CDH4: variants seen among roughly 807,000 people sequenced by gnomAD.
CDH4 encodes the protein cadherin 4.
CDH4 carries 33 observed loss-of-function variants against 86.0 expected under a neutral mutation model. The ratio of observed to expected loss-of-function variants is 0.38; its 90% CI spans 0.29 to 0.51. The LOEUF (loss-of-function observed/expected upper bound fraction) is 0.51, where lower values mean the gene tolerates loss of function less well. Ranked by LOEUF, CDH4 falls within the 20% of genes least tolerant of loss-of-function variation. The probability of loss-of-function intolerance (pLI) is 0.86; values close to 1 mark genes in which losing one functional copy is unlikely to be tolerated. For missense variants in CDH4, 1,114 were observed against 1,307.4 expected (o/e 0.85, Z 2.28); for synonymous variants, 555 against 549.4 (o/e 1.01, Z -0.14).
intron 2 of CDH4, among the ~76,000 whole-genome samples, chr20:61,513,201 T>C (rs2427149): frequency 0.58 from 87,668 of 151,950 alleles, 26,253 homozygotes; most frequent in African/African-American, 0.73. Flanking sequence ...GCAGGAGGTC[T>C]CAGGGTCTGG....
intron 2 of CDH4, among the ~76,000 whole-genome samples, chr20:61,408,134 G>A (rs1329309545): frequency 6.6e-6 from 1 of 152,196 alleles, no homozygotes; most frequent in South Asian, 2.1e-4. Flanking sequence ...CTCTCACTAG[G>A]ACTGTCCCCT....
chr20:61,936,331 CA>C, intron 15 of CDH4, among the ~76,000 whole-genome samples: 1 of 60,754 alleles, frequency 1.6e-5, no homozygotes, highest in Non-Finnish European at 3.1e-5. Flanking sequence ...CCCTCTCCCA[CA>C]CCTCCACCTT....
At chr20:61,762,876 A>G (rs529588938) in intron 3 of CDH4, among the ~76,000 whole-genome samples, 6 of 152,346 alleles carry the variant, frequency 3.9e-5, no homozygotes, top group African/African-American at 1.4e-4. Context: ...GTGCACCCCA[A>G]CAAGCTGACA....
At chr20:61,689,833 T>C (rs1042493433) in intron 2 of CDH4, among the ~76,000 whole-genome samples, 1 of 139,234 alleles carries the variant, frequency 7.2e-6, no homozygotes, top group Admixed American at 7.0e-5. Context: ...TGATGTGGAA[T>C]TGAGCTGGGA....
intron 2 of CDH4, among the ~76,000 whole-genome samples, chr20:61,309,880 A>G (rs2084436398): frequency 6.6e-6 from 1 of 152,128 alleles, no homozygotes; most frequent in South Asian, 2.1e-4. Context: ...GGATTTGAAA[A>G]ATCTATTAAA....
chr20:61,615,148 A>T, intron 2 of CDH4, among the ~76,000 whole-genome samples: 1 of 151,314 alleles, frequency 6.6e-6, no homozygotes. Context: ...TTTGAGACAG[A>T]GTCTCACTCT....
In CDH4 at chr20:61,504,706, G is replaced by A. The variant is rs190885120; in HGVS notation, c.170-238857G>A. Among the ~76,000 whole-genome samples the A allele has an allele frequency of 1.5e-3, 231 of 152,344 alleles. 1 individual carries two copies. The highest frequency in any genetic ancestry group is 5.4e-3 in the African/African-American group (223 of 41,578). ...ACAATCTGGACGTTGCAGTGACAGC[G>A]TCTTTGCCACATGCAAATCTGACTA... On this transcript the variant is annotated intron_variant, in intron 2 of 15. Coordinates refer to ENST00000614565, the MANE Select transcript of CDH4 (RefSeq NM_001794.5).
At chr20:61,495,902 C>CA (rs72458954) in intron 2 of CDH4, among the ~76,000 whole-genome samples, 27,678 of 58,240 alleles carry the variant, frequency 0.48, 6,568 homozygotes, top group Non-Finnish European at 0.55. Flanking sequence ...GACTCCATCT[C>CA]AAAAAAAAAA....
chr20:61,838,821 C>T (rs1389174237), intron 4 of CDH4, among the ~76,000 whole-genome samples: 1 of 35,086 alleles, frequency 2.9e-5, no homozygotes, highest in Non-Finnish European at 6.4e-5. Context: ...AAGACCCTGT[C>T]TAAAAAAAAA....
chr20:61,446,964 T>C (rs1265747568), intron 2 of CDH4, among the ~76,000 whole-genome samples: 1 of 152,220 alleles, frequency 6.6e-6, no homozygotes, highest in Non-Finnish European at 1.5e-5. Flanking sequence ...TCTTTGTAAA[T>C]TAGTCATCTC....
chr20:61,930,615 G>A (rs551237931), intron 13 of CDH4, among the ~76,000 whole-genome samples: 24 of 152,306 alleles, frequency 1.6e-4, no homozygotes, highest in African/African-American at 2.2e-4. Context: ...CCTGGCCTGC[G>A]GCTGACTTGA....
At chr20:61,832,630 T>C (rs1281873628) in intron 4 of CDH4, among the ~76,000 whole-genome samples, 1 of 152,074 alleles carries the variant, frequency 6.6e-6, no homozygotes, top group Non-Finnish European at 1.5e-5. Flanking sequence ...CGCCAGACAC[T>C]TATGAAACCA....
chr20:61,713,787 A>G (rs2087919072), intron 2 of CDH4, among the ~76,000 whole-genome samples: 1 of 152,150 alleles, frequency 6.6e-6, no homozygotes, highest in African/African-American at 2.4e-5. Flanking sequence ...TCAAAATGGA[A>G]AGTTAGAAAG....
chr20:61,528,954 T>C (rs554656321), intron 2 of CDH4, among the ~76,000 whole-genome samples: 136 of 152,276 alleles, frequency 8.9e-4, no homozygotes, highest in Non-Finnish European at 1.7e-3. Flanking sequence ...TTAGACATTT[T>C]AGAAAGGTTC....
intron 2 of CDH4, among the ~76,000 whole-genome samples, chr20:61,262,554 T>G (rs1202172938): frequency 2.0e-5 from 3 of 152,146 alleles, no homozygotes; most frequent in Admixed American, 2.0e-4. Context: ...TCAGAAATAA[T>G]GATTTTTCTA....
chr20:61,802,452 G>A (rs1003460793), intron 4 of CDH4, among the ~76,000 whole-genome samples: 11 of 152,182 alleles, frequency 7.2e-5, no homozygotes, highest in African/African-American at 2.7e-4. Flanking sequence ...CAAAATCGTG[G>A]GGGTGGCCCC....
chr20:61,454,509 G>A (rs1445049412), intron 2 of CDH4, among the ~76,000 whole-genome samples: 1 of 152,044 alleles, frequency 6.6e-6, no homozygotes, highest in African/African-American at 2.4e-5. Flanking sequence ...GCAGTGGCGC[G>A]ATCTCGGCTC....
intron 2 of CDH4, among the ~76,000 whole-genome samples, chr20:61,394,041 A>G (rs2085001796): frequency 6.6e-6 from 1 of 152,190 alleles, no homozygotes; most frequent in South Asian, 2.1e-4. Flanking sequence ...TTGCATTGTT[A>G]TTATTCATCG....
chr20:61,828,636 T>G (rs1981435078), intron 4 of CDH4, among the ~76,000 whole-genome samples: 1 of 152,214 alleles, frequency 6.6e-6, no homozygotes, highest in African/African-American at 2.4e-5. Context: ...AGGCTCTTCC[T>G]TCCCTTTGCT....
Sources: gnomAD v4.1 joint callset for allele counts (sites outside exome capture counted in the v4.1 genomes callset) on GRCh38, gnomAD v4.1.1 for gene constraint, MANE v1.5 for transcripts, NCBI Gene and HGNC (gene_info 2026-07-23, HGNC 2026-07-21) for gene names.